WDR41: variants seen among roughly 807,000 people sequenced by gnomAD.
WDR41 encodes WD repeat-containing protein 41.
WDR41 carries 63 observed loss-of-function variants against 69.3 expected under a neutral mutation model. The observed-to-expected ratio is 0.91, with a 90% confidence interval of 0.74 to 1.12. WDR41 has a LOEUF of 1.12. Among genes scored for constraint, WDR41 ranks in the 50% most tolerant of loss-of-function variants. The pLI, the probability that WDR41 is intolerant of heterozygous loss-of-function variation, is 0.00. For synonymous variants in WDR41, 185 were observed against 192.1 expected, an observed-to-expected ratio of 0.96 and a Z score of 0.31; for missense variants, 543 against 534.5, an observed-to-expected ratio of 1.02 and a Z score of -0.16.
Position 77,460,958 on chromosome 5 carries a change from C to T in WDR41, c.349-1834G>A, listed in dbSNP as rs1482096680. ...TGGGTAAGAGAGACTGCCAAATAAGCGGCCTAGAATTTTTTTCTAACAACA... is the reference window on the plus strand; with the variant it reads ...TGGGTAAGAGAGACTGCCAAATAAGTGGCCTAGAATTTTTTTCTAACAACA... On this transcript the variant is annotated intron_variant, in intron 4 of 12. Coordinates refer to ENST00000296679, the MANE Select transcript of WDR41 (RefSeq NM_018268.4). Among the ~76,000 whole-genome samples the T allele has an allele frequency of 3.3e-5, 5 of 152,140 alleles. No individual in the cohort carries two copies. The East Asian group carries it at 7.7e-4, about 23-fold the overall frequency.
intron 2 of WDR41, among the ~76,000 whole-genome samples, chr5:77,486,179 G>C (rs1801514099): frequency 6.6e-6 from 1 of 152,042 alleles, no homozygotes; most frequent in African/African-American, 2.4e-5. Context: ...GACTCTTTCG[G>C]TTTTTCTTTT....
intron 8 of WDR41, 147 bp downstream of exon 8, chr5:77,449,613 G>A: frequency 3.3e-6 from 2 of 606,038 alleles, no homozygotes; most frequent in East Asian, 3.0e-5. Flanking sequence ...AGCTCCACCG[G>A]CTAAAACTTC....
chr5:77,497,917 G>A (rs1176621377), intron 1 of WDR41, among the ~76,000 whole-genome samples: 2 of 152,120 alleles, frequency 1.3e-5, no homozygotes, highest in African/African-American at 2.4e-5. Flanking sequence ...TAGTCATAAA[G>A]GAATTAATTT....
intron 1 of WDR41, among the ~76,000 whole-genome samples, chr5:77,541,177 T>C (rs890754589): frequency 2.6e-5 from 4 of 152,116 alleles, no homozygotes; most frequent in East Asian, 1.9e-4. Context: ...ACTTATAAAA[T>C]GGGAGAAAAT....
chr5:77,571,928 T>C (rs1743740958), intron 1 of WDR41, among the ~76,000 whole-genome samples: 1 of 152,154 alleles, frequency 6.6e-6, no homozygotes, highest in African/African-American at 2.4e-5. Context: ...GGGTTAATAT[T>C]TGCATTCTTA....
At chr5:77,590,815 C>G (rs1307466781) in intron 1 of WDR41, among the ~76,000 whole-genome samples, 1 of 152,130 alleles carries the variant, frequency 6.6e-6, no homozygotes, top group East Asian at 1.9e-4. Context: ...GAGAGATTGG[C>G]TTGTATTTTT....
chr5:77,589,707 T>G lies in WDR41; in HGVS notation c.42+30772A>C, dbSNP rs148744272. Among the ~76,000 whole-genome samples the G allele has an allele frequency of 1.1e-3, 175 of 152,294 alleles. 2 individuals are homozygous for G. The East Asian group carries it at 0.015, about 13-fold the overall frequency. On this transcript the variant is annotated intron_variant, in intron 1 of 5. Coordinates refer to the WDR41 transcript ENST00000509971. ...GTATTTTGATCTTGCCAAATTCATT[T>G]ACTAATTTTAACATTGTATCTGTAC...
At chr5:77,535,707 A>G (rs1742960803) in intron 1 of WDR41, among the ~76,000 whole-genome samples, 1 of 152,198 alleles carries the variant, frequency 6.6e-6, no homozygotes, top group Non-Finnish European at 1.5e-5. Context: ...TCATTTGTCT[A>G]GTCTTTCCCA....
chr5:77,489,283 T>C (rs1363062788), intron 2 of WDR41, among the ~76,000 whole-genome samples, 174 bp downstream of exon 2: 1 of 152,168 alleles, frequency 6.6e-6, no homozygotes, highest in African/African-American at 2.4e-5. Context: ...AAAAAGACTC[T>C]AGATACATAT....
At chr5:77,619,105 A>T (rs929213841) in intron 1 of WDR41, among the ~76,000 whole-genome samples, 1 of 152,240 alleles carries the variant, frequency 6.6e-6, no homozygotes, top group Non-Finnish European at 1.5e-5. Flanking sequence ...TTTATTTTAC[A>T]TATAACTGCT....
chr5:77,609,080 A>G (rs751971142), intron 1 of WDR41, among the ~76,000 whole-genome samples: 1 of 152,192 alleles, frequency 6.6e-6, no homozygotes, highest in East Asian at 1.9e-4. Context: ...ATCAAACTGC[A>G]AGGCAGCAGC....
chr5:77,526,131 A>C (rs531964839), intron 1 of WDR41, among the ~76,000 whole-genome samples: 2 of 152,346 alleles, frequency 1.3e-5, no homozygotes, highest in South Asian at 2.1e-4. Flanking sequence ...AGTATAAGAC[A>C]TTCTCATACT....
At chr5:77,435,939 C>T (rs1798921993) in intron 12 of WDR41, among the ~76,000 whole-genome samples, 1 of 152,202 alleles carries the variant, frequency 6.6e-6, no homozygotes, top group Admixed American at 6.5e-5. Flanking sequence ...ATAACCACAA[C>T]CCTTCATGCA....
rs145073365 is a variant in WDR41 at position 77,569,234 on chromosome 5, G to A, written c.42+51245C>T. Reference sequence around the variant, plus strand: ...AGGAACTTACTTCATCTTTCAAGGAGCCAAAAAATAAATCATAATAAAATG... The same window carrying A: ...AGGAACTTACTTCATCTTTCAAGGAACCAAAAAATAAATCATAATAAAATG... On this transcript the variant is annotated intron_variant, in intron 1 of 5. Coordinates refer to the WDR41 transcript ENST00000509971. Among the ~76,000 whole-genome samples, 6 of 152,136 alleles carry A rather than the reference G, an allele frequency of 3.9e-5. No homozygotes were observed. The East Asian group carries it at 1.2e-3, about 29-fold the overall frequency.
intron 8 of WDR41, among the ~76,000 whole-genome samples, chr5:77,442,764 C>T (rs968360435): frequency 7.3e-5 from 11 of 151,236 alleles, no homozygotes; most frequent in East Asian, 1.9e-4. Context: ...TGGTGGTGGG[C>T]GCCTGTAGTC....
At chr5:77,552,028 A>C (rs1285966596) in intron 1 of WDR41, among the ~76,000 whole-genome samples, 49 of 144,266 alleles carry the variant, frequency 3.4e-4, no homozygotes, top group African/African-American at 1.2e-3. Flanking sequence ...AATAAAATAA[A>C]ATAAAATAAA....
At chr5:77,503,676 C>T (rs1802055523) in intron 1 of WDR41, among the ~76,000 whole-genome samples, 3 of 152,208 alleles carry the variant, frequency 2.0e-5, no homozygotes, top group Non-Finnish European at 4.4e-5. Context: ...AAAAAACTGT[C>T]TCTCAGACCA....
intron 2 of WDR41, among the ~76,000 whole-genome samples, chr5:77,476,682 A>C (rs1325926482): frequency 6.6e-6 from 1 of 151,932 alleles, no homozygotes; most frequent in Admixed American, 6.6e-5. Flanking sequence ...AGTGCTAAAC[A>C]TGGAAAGGAA....
intron 12 of WDR41, among the ~76,000 whole-genome samples, chr5:77,435,043 G>A (rs1554107081): frequency 2.0e-5 from 3 of 152,244 alleles, no homozygotes; most frequent in East Asian, 1.9e-4. Context: ...TCTGTTCACA[G>A]GAACCCAGCG....
Sources: gnomAD v4.1 joint callset for allele counts (sites outside exome capture counted in the v4.1 genomes callset) on GRCh38, gnomAD v4.1.1 for gene constraint, MANE v1.5 for transcripts, NCBI Gene and HGNC (gene_info 2026-07-23, HGNC 2026-07-21) for gene names.